The following CACNA2D4 variants were observed in gnomAD, a reference collection of about 807,000 sequenced individuals.
The protein encoded by CACNA2D4 is voltage-dependent calcium channel subunit alpha-2/delta-4.
CACNA2D4 carries 157 observed loss-of-function variants against 163.8 expected under a neutral mutation model. The ratio of observed to expected loss-of-function variants is 0.96; its 90% confidence interval spans 0.84 to 1.09. The LOEUF (loss-of-function observed/expected upper bound fraction) is 1.09, where lower values mean the gene tolerates loss of function less well. Among genes scored for constraint, CACNA2D4 ranks in the 50% least tolerant of loss-of-function variants. The pLI, the probability that CACNA2D4 is intolerant of heterozygous loss-of-function variation, is 0.00. For missense variants in CACNA2D4, 1,410 were observed against 1,479.9 expected, an observed-to-expected ratio of 0.95 and a Z score of 0.78; for synonymous variants, 598 against 586.9, an observed-to-expected ratio of 1.02 and a Z score of -0.27.
rs545427753 is a variant in CACNA2D4 at position 1,869,242 on chromosome 12, T to C, written c.1878+5362A>G. On this transcript the variant is annotated intron_variant, in intron 18 of 37. Transcript: ENST00000382722. This position sits in a 1 kb window ranked among gnomAD's most constrained non-coding sequence, Gnocchi z 4.7. ...CGAGTCAGGGTCAGCCAAAGAGAAG[T>C]GTGTGTGAGATTTGCAGACAGAAGT... Among the ~76,000 whole-genome samples, 1 of 152,228 alleles carries C rather than the reference T, an allele frequency of 6.6e-6. No homozygotes were observed. The highest frequency in any genetic ancestry group is 2.1e-4 in the South Asian group (1 of 4,814).
intron 35 of CACNA2D4, chr12:1,796,000 C>A (rs1381999040): frequency 1.7e-6 from 1 of 577,948 alleles, no homozygotes; most frequent in Non-Finnish European, 3.1e-6. Context: ...CCTTTCCTAG[C>A]AGACTGGAGA....
rs1230569160 is a variant in CACNA2D4, at chr12:1,843,292, C to T, written c.2470+1110G>A. On this transcript the variant is annotated intron_variant, in intron 25 of 37. Coordinates refer to ENST00000382722, the MANE Select transcript of CACNA2D4 (RefSeq NM_172364.5). The surrounding 1 kb of genome is among the most constrained non-coding windows in gnomAD (Gnocchi z 4.6). ...CCAGGAGGATCCCCGGGATCCTGGG[C>T]CTCCCCAGCCATCAGCTCCAGGACA... 6.6e-6 allele frequency among the ~76,000 whole-genome samples: 1 copy of T among 152,118 alleles called. No homozygotes were observed. The highest frequency in any genetic ancestry group is 1.9e-4 in the East Asian group (1 of 5,188).
intron 19 of CACNA2D4, among the ~76,000 whole-genome samples, chr12:1,859,187 ATT>A (rs567158480): frequency 6.6e-6 from 1 of 150,804 alleles, no homozygotes; most frequent in Admixed American, 6.6e-5. Context: ...CAGCTCTAAA[ATT>A]TTTTTTTTAA....
intron 26 of CACNA2D4, among the ~76,000 whole-genome samples, chr12:1,826,557 G>T (rs1335832612): frequency 6.6e-6 from 1 of 152,238 alleles, no homozygotes; most frequent in East Asian, 1.9e-4. Context: ...CACCTGGGCT[G>T]CCTGCAATCC....
intron 29 of CACNA2D4, 53 bp downstream of exon 29, chr12:1,810,225 C>A (rs907992319): frequency 2.0e-6 from 3 of 1,486,632 alleles, no homozygotes; most frequent in African/African-American, 2.8e-5. Context: ...TGCCCAATGT[C>A]TCCAGTCCTC....
chr12:1,849,699 T>C (rs1283769275), intron 23 of CACNA2D4, among the ~76,000 whole-genome samples: 3 of 152,224 alleles, frequency 2.0e-5, no homozygotes, highest in Non-Finnish European at 1.5e-5. Flanking sequence ...TTCCTGTAGG[T>C]AACCTGACTT....
At chr12:1,916,687 T>A (rs1349050624) in intron 1 of CACNA2D4, among the ~76,000 whole-genome samples, 1 of 152,192 alleles carries the variant, frequency 6.6e-6, no homozygotes, top group East Asian at 1.9e-4. Flanking sequence ...GGCTTGTGTG[T>A]CCCAAGCAAC....
rs1051740942 is a variant in CACNA2D4, at chr12:1,828,361, C to A, written c.2551+12378G>T. On this transcript the variant is annotated intron_variant, in intron 26 of 37. Transcript: ENST00000382722. This position sits in a 1 kb window ranked among gnomAD's most constrained non-coding sequence, Gnocchi z 4.2. ...TTCCTGGGGTACCCGAGGCTATGTT[C>A]TGGGAAGCCAGGGTCACGCCCACGG... 1.9e-5 allele frequency: 13 copies of A among 699,124 alleles called. No homozygotes were observed. The African/African-American group carries it at 2.0e-4, about 11-fold the overall frequency. 43.3% of individuals were successfully genotyped at this position (699,124 alleles called of 1,614,324 possible).
chr12:1,886,004 A>G lies in CACNA2D4; in HGVS notation c.1029T>C (p.Phe343=), dbSNP rs770702059. ...GGTCCGCCTGGACGAGGATCCCTTT[A>G]AAACAAGGCTCGATGTAATGGACGT... ...NDYVHYIEPC[F]KGILVQADRD... Residue 343 remains phenylalanine, a synonymous_variant, in exon 9 of 38, where the codon TTT becomes TTC. Coordinates refer to ENST00000382722, the MANE Select transcript of CACNA2D4 (RefSeq NM_172364.5). The G allele has an allele frequency of 3.7e-6, 6 of 1,613,828 alleles. No homozygotes were observed. Among genetic ancestry groups the G allele is most frequent in the Non-Finnish European group, 4.2e-6 (5 of 1,179,776 alleles).
intron 26 of CACNA2D4, among the ~76,000 whole-genome samples, chr12:1,813,654 T>C (rs1435886523): frequency 6.6e-6 from 1 of 152,196 alleles, no homozygotes; most frequent in East Asian, 1.9e-4. Flanking sequence ...TCCCCTCCCT[T>C]GGAGTCTCAT....
In CACNA2D4 at chr12:1,851,680, T is replaced by TGCG. The variant is rs55736421; in HGVS notation, c.2246+2270_2246+2271insCGC. Among the ~76,000 whole-genome samples, 6 of 26,772 alleles carry TGCG rather than the reference T, an allele frequency of 2.2e-4. No individual in the cohort carries two copies. The East Asian group carries it at 0.011, about 49-fold the overall frequency. The allele number at this position is 26,772 out of a possible 152,430, so 17.6% of individuals were successfully genotyped here. On this transcript the variant is annotated intron_variant, in intron 23 of 37. Coordinates refer to ENST00000382722, the MANE Select transcript of CACNA2D4 (RefSeq NM_172364.5). The stretch of plus-strand genomic sequence containing the variant: ...GTGTGTGTGTGTGTGTGTGTGTGCG[T>TGCG]TTTTTTTTTTTTTTTCCAGAGATTT...
intron 28 of CACNA2D4, 58 bp from the exon 29 acceptor site, chr12:1,810,398 A>G (rs1863667318): frequency 6.4e-7 from 1 of 1,565,516 alleles, no homozygotes; most frequent in Admixed American, 1.7e-5. Context: ...CCGGTCCTCC[A>G]GCCTGTCCCC....
In CACNA2D4 at chr12:1,878,852, C is replaced by G; in HGVS notation, c.1644+104G>C. ...TTGGGCAGTGATGGAGGGGCCCCAC[C>G]CCAGCTCTGGGCTTGGCTTGCCTGG... On this transcript the variant is annotated intron_variant, in intron 15 of 37. Transcript: ENST00000382722. The surrounding 1 kb of genome is among the most constrained non-coding windows in gnomAD (Gnocchi z 4.6). 2 of 1,131,566 alleles carry G rather than the reference C, an allele frequency of 1.8e-6. No individual in the cohort carries two copies. Among genetic ancestry groups the G allele is most frequent in the South Asian group, 3.0e-5 (2 of 66,806 alleles). 70.1% of individuals were successfully genotyped at this position (1,131,566 alleles called of 1,614,324 possible). A position where few individuals can be genotyped will look rare whatever the true frequency, so the allele number is the denominator to read the frequency against.
At chr12:1,879,738 C>CTAAA in intron 14 of CACNA2D4, 66 bp downstream of exon 14, 1 of 1,305,418 alleles carries the variant, frequency 7.7e-7, no homozygotes. Context: ...AATCACTGGT[C>CTAAA]TAAAGATGGC....
intron 6 of CACNA2D4, among the ~76,000 whole-genome samples, chr12:1,889,426 G>T (rs1866225367): frequency 6.6e-6 from 1 of 152,202 alleles, no homozygotes; most frequent in Admixed American, 6.5e-5. Flanking sequence ...CTAGAATAAA[G>T]AGATGGAAGC....
Position 1,918,550 on chromosome 12 carries a change from TC to T in CACNA2D4, c.-78del. On this transcript the variant is annotated 5_prime_UTR_variant, in exon 1 of 38. Transcript: ENST00000382722. ...TCCGTGCCTTGGCGAGCCTGGGGTC[TC>T]CAGCCTCTCAGTCCTGGGTGGGGAG... 1 of 1,139,966 alleles carries T rather than the reference TC, an allele frequency of 8.8e-7. No individual in the cohort carries two copies. 70.6% of individuals were successfully genotyped at this position (1,139,966 alleles called of 1,614,324 possible).
Position 1,886,368 on chromosome 12 carries a change from A to G in CACNA2D4, c.848T>C (p.Ile283Thr). The G allele has an allele frequency of 6.2e-7, 1 of 1,613,664 alleles. No homozygotes were observed. Among genetic ancestry groups the G allele is most frequent in the South Asian group, 1.1e-5 (1 of 91,048 alleles). ...TFDCRNRGWY[I>T]QAATSPKDIV... ...GTCCTTGGGAGAAGTAGCAGCTTGA[A>G]TGTACCTGAAGGAAGAAAGGGACAT... Residue 283 changes from isoleucine (I) to threonine (T), a missense_variant, in exon 8 of 38, where the codon ATT becomes ACT. By Grantham distance (89) the Ile-to-Thr change is moderately conservative. Coordinates refer to ENST00000382722, the MANE Select transcript of CACNA2D4 (RefSeq NM_172364.5).
intron 35 of CACNA2D4, among the ~76,000 whole-genome samples, chr12:1,796,271 C>T (rs980479956): frequency 6.6e-6 from 1 of 152,216 alleles, no homozygotes; most frequent in Non-Finnish European, 1.5e-5. Flanking sequence ...CCCGCCAGGC[C>T]CACGGCCTTC....
chr12:1,797,758 G>A (rs1863178783), intron 34 of CACNA2D4: 1 of 591,654 alleles, frequency 1.7e-6, no homozygotes, highest in Non-Finnish European at 3.0e-6. Context: ...CGCCGCAGGG[G>A]CCCTGAGCCT....
Sources: allele counts gnomAD v4.1 joint callset (sites outside exome capture counted in the v4.1 genomes callset), GRCh38; gene constraint gnomAD v4.1.1; non-coding constraint Gnocchi (gnomAD v3.1); transcripts MANE v1.5; gene names NCBI Gene and HGNC (gene_info 2026-07-23, HGNC 2026-07-21).